CYP4B1: variants seen among roughly 807,000 people sequenced by gnomAD.
CYP4B1 encodes cytochrome P450 family 4 subfamily B member 1.
A neutral mutation model predicts 54.0 loss-of-function variants in CYP4B1; 45 were observed. The observed-to-expected ratio is 0.83, with a 90% CI of 0.66 to 1.07. CYP4B1 has a LOEUF of 1.07. CYP4B1 is among the 50% of genes least tolerant of loss of function. CYP4B1 has a pLI of 0.00. For missense variants in CYP4B1, 656 were observed against 655.4 expected (o/e 1.00, Z -0.01); for synonymous variants, 248 against 247.5 (o/e 1.00, Z -0.02).
intron 1 of CYP4B1, among the ~76,000 whole-genome samples, chr1:46,800,197 C>CTTTCTTTT (rs1553130097): frequency 3.5e-5 from 1 of 28,802 alleles, no homozygotes; most frequent in Non-Finnish European, 1.4e-4. Context: ...TTCTTTCTTT[C>CTTTCTTTT]TCTTTCTTTC....
At position 46,814,784 on chromosome 1, in the gene CYP4B1, G is replaced by A. The variant is rs982385769; in HGVS notation, c.883-290G>A. On this transcript the variant is annotated intron_variant, in intron 7 of 11. Transcript: ENST00000371923. ...ACAGTAGGTAGATGTTGACCAAAAT[G>A]TCTTCCTCTGGCAGGTGGTATTCTA... 6.7e-6 allele frequency: 3 copies of A among 445,474 alleles called. No individual in the cohort carries two copies. In the East Asian group the frequency reaches 1.3e-4, roughly 20 times the overall value. 27.6% of individuals were successfully genotyped at this position (445,474 alleles called of 1,614,324 possible). A position where few individuals can be genotyped will look rare whatever the true frequency, so the allele number is the denominator to read the frequency against.
At chr1:46,810,167 G>A (rs1421970055) in intron 1 of CYP4B1, among the ~76,000 whole-genome samples, 1 of 152,180 alleles carries the variant, frequency 6.6e-6, no homozygotes, top group African/African-American at 2.4e-5. Context: ...CTTAAATGTT[G>A]TCTCCAACAA....
At chr1:46,806,962 T>A (rs1678886706) in intron 1 of CYP4B1, 1 of 152,202 alleles carries the variant, frequency 6.6e-6, no homozygotes, top group South Asian at 2.1e-4. Flanking sequence ...CTCAGCCCTC[T>A]TGAGGGGCTG....
Position 46,815,230 on chromosome 1 carries a change from C to A in CYP4B1, c.1039C>A (p.Arg347Ser). 6.3e-7 allele frequency: 1 copy of A among 1,585,368 alleles called. No homozygotes were observed. Among genetic ancestry groups the A allele is most frequent in the Non-Finnish European group, 8.6e-7 (1 of 1,163,612 alleles). Residue 347 changes from arginine to serine, a missense_variant, in exon 8 of 12, where the codon CGC becomes AGC. Transcript: ENST00000371923. ...CCAGCATCGTTGTAGAGAGGAGGTC[C>A]GCGAGATCCTAGGGGACCAGGACTT... ...EHQHRCREEV[R>S]EILGDQDFFQ...
Position 46,811,500 on chromosome 1 carries a change from C to G in CYP4B1, c.367+316C>G, listed in dbSNP as rs531784922. Among the ~76,000 whole-genome samples the G allele has an allele frequency of 5.6e-4, 86 of 152,292 alleles. 1 individual carries two copies. Among genetic ancestry groups the G allele is most frequent in the African/African-American group, 1.9e-3 (81 of 41,560 alleles). ...CAAAAGGAGATTTAAATAGGTAGTGCTGGCCAGGGCAAGGGCCTAAGGAAA... is the reference window on the plus strand; with the variant it reads ...CAAAAGGAGATTTAAATAGGTAGTGGTGGCCAGGGCAAGGGCCTAAGGAAA... On this transcript the variant is annotated intron_variant, in intron 3 of 11. Coordinates refer to ENST00000371923, the MANE Select transcript of CYP4B1 (RefSeq NM_001099772.2).
chr1:46,818,565 A>G, intron 11 of CYP4B1, 66 bp from the exon 12 acceptor site: 1 of 1,510,410 alleles, frequency 6.6e-7, no homozygotes, highest in Non-Finnish European at 9.2e-7. Flanking sequence ...TTGGCTGCTA[A>G]GAGCACTGAA....
Position 46,810,711 on chromosome 1 carries a change from T to C in CYP4B1, c.181-97T>C. The C allele has an allele frequency of 2.9e-6, 4 of 1,389,496 alleles. No homozygotes were observed. In the South Asian group the frequency reaches 3.8e-5, roughly 13 times the overall value. The allele number at this position is 1,389,496 out of a possible 1,614,324, so 86.1% of individuals were successfully genotyped here. Reference sequence around the variant, plus strand: ...GAGAGGTAAGGAAGCAACCAGGGCCTGCCTGGGCAGCCTTCTCCCCTGCCC... The same window carrying C: ...GAGAGGTAAGGAAGCAACCAGGGCCCGCCTGGGCAGCCTTCTCCCCTGCCC... On this transcript the variant is annotated intron_variant, in intron 1 of 11. Coordinates refer to ENST00000371923, the MANE Select transcript of CYP4B1 (RefSeq NM_001099772.2).
Position 46,817,049 on chromosome 1 carries a change from G to T in CYP4B1, c.1075G>T (p.Asp359Tyr). 5.0e-6 allele frequency: 8 copies of T among 1,613,786 alleles called. No individual in the cohort carries two copies. Among genetic ancestry groups the T allele is most frequent in the Non-Finnish European group, 6.8e-6 (8 of 1,179,774 alleles). ...ILGDQDFFQW[D>Y]DLGKMTYLTM... The stretch of plus-strand genomic sequence containing the variant: ...ATGTTCTGGTTGTGTTGCTGGCAGG[G>T]ATGATCTGGGCAAAATGACTTATCT... The change falls in exon 9 of 12, where the codon GAT becomes TAT. Residue 359 changes from aspartate (D) to tyrosine (Y), a missense_variant and splice_region_variant. Transcript: ENST00000371923.
At position 46,819,096 on chromosome 1, in the gene CYP4B1, T is replaced by C. The variant is rs1304156257; in HGVS notation, c.*282T>C. ...AGAAACTTCATTTATCTCCTATAATTGGCAAACTTAAAAATGCAGCAGAAA... is the reference window on the plus strand; with the variant it reads ...AGAAACTTCATTTATCTCCTATAATCGGCAAACTTAAAAATGCAGCAGAAA... On this transcript the variant is annotated 3_prime_UTR_variant, in exon 12 of 12. Transcript: ENST00000371923. The C allele has an allele frequency of 1.9e-5, 6 of 314,312 alleles. No homozygotes were observed. Among genetic ancestry groups the C allele is most frequent in the Non-Finnish European group, 2.9e-5 (5 of 171,364 alleles). 19.5% of individuals were successfully genotyped at this position (314,312 alleles called of 1,614,324 possible).
intron 8 of CYP4B1, chr1:46,815,487 G>A (rs560542601): frequency 4.9e-6 from 2 of 405,708 alleles, no homozygotes; most frequent in South Asian, 8.5e-5. Context: ...GAAGTGTTAT[G>A]TAGAGAAAGT....
chr1:46,812,898 G>C (rs1019241294), intron 4 of CYP4B1, among the ~76,000 whole-genome samples: 1 of 152,190 alleles, frequency 6.6e-6, no homozygotes, highest in Admixed American at 6.5e-5. Flanking sequence ...CAGGCCAAAG[G>C]GTCTCTGTGA....
intron 1 of CYP4B1, among the ~76,000 whole-genome samples, chr1:46,806,329 G>A (rs1180400157): frequency 6.6e-6 from 1 of 152,196 alleles, no homozygotes. Context: ...TTTGTGAGCA[G>A]ACTGATTTTC....
chr1:46,800,220 TCTC>T (rs369267303), intron 1 of CYP4B1, among the ~76,000 whole-genome samples: 6 of 23,630 alleles, frequency 2.5e-4, no homozygotes, highest in South Asian at 1.9e-3. Flanking sequence ...TCTTTCTCTT[TCTC>T]TCTTTCTTTC....
Position 46,818,163 on chromosome 1 carries a change from T to G in CYP4B1, c.1305T>G (p.Asn435Lys). 6.2e-7 allele frequency: 1 copy of G among 1,614,136 alleles called. No homozygotes were observed. Among genetic ancestry groups the G allele is most frequent in the Middle Eastern group, 1.6e-4 (1 of 6,062 alleles). ...ACTCTCTGCGCTTTTCCACTGAGAA[T>G]GCATCCAAACGCCATCCCTTTGCCT... ...VFDSLRFSTENASKRHPFAFM... is the reference protein window; with the variant it reads ...VFDSLRFSTEKASKRHPFAFM... Residue 435 changes from asparagine (N) to lysine (K), a missense_variant, in exon 11 of 12, where the codon AAT becomes AAG. By Grantham distance (94) the Asn-to-Lys change is moderately conservative (BLOSUM62 0). Coordinates refer to ENST00000371923, the MANE Select transcript of CYP4B1 (RefSeq NM_001099772.2).
In CYP4B1 at chr1:46,804,653, G is replaced by A. The variant is rs193270903; in HGVS notation, c.180+5392G>A. Among the ~76,000 whole-genome samples the A allele has an allele frequency of 6.6e-5, 10 of 152,162 alleles. No individual in the cohort carries two copies. In the East Asian group the frequency reaches 1.7e-3, roughly 27 times the overall value. On this transcript the variant is annotated intron_variant, in intron 1 of 11. Transcript: ENST00000371923. ...AACAGAGAGGCTGGGTGCAGGTGGG[G>A]TGGTCCTTCAGGTCTGCCAGCTGAC...
At chr1:46,805,254 C>T (rs910523509) in intron 1 of CYP4B1, among the ~76,000 whole-genome samples, 9 of 152,248 alleles carry the variant, frequency 5.9e-5, no homozygotes, top group Admixed American at 2.6e-4. Context: ...TTCCTCCTCT[C>T]ATCTGATTGG....
intron 2 of CYP4B1, 86 bp from the exon 3 acceptor site, chr1:46,811,054 C>A (rs188063339): frequency 1.9e-5 from 30 of 1,600,644 alleles, no homozygotes; most frequent in Non-Finnish European, 2.4e-5. Flanking sequence ...ACTAAGTCTG[C>A]GGAGCTGAGG....
At chr1:46,816,980 G>A (rs1452023749) in intron 8 of CYP4B1, 68 bp from the exon 9 acceptor site, 3 of 1,577,332 alleles carry the variant, frequency 1.9e-6, no homozygotes, top group Non-Finnish European at 2.6e-6. Flanking sequence ...AACTGGGGCT[G>A]GGGTCTGCTT....
intron 4 of CYP4B1, 132 bp from the exon 5 acceptor site, chr1:46,813,348 CAG>C (rs1679187895): frequency 9.5e-7 from 1 of 1,048,612 alleles, no homozygotes; most frequent in African/African-American, 1.6e-5. Context: ...GAGGGCAGGA[CAG>C]GGACTGGGAG....
Sources: gnomAD v4.1 joint callset for allele counts (sites outside exome capture counted in the v4.1 genomes callset) on GRCh38, gnomAD v4.1.1 for gene constraint, MANE v1.5 for transcripts, NCBI Gene and HGNC (gene_info 2026-07-23, HGNC 2026-07-21) for gene names.